The following GLRA3 variants were observed in gnomAD, a reference collection of about 807,000 sequenced individuals.
GLRA3 encodes the protein glycine receptor subunit alpha-3.
In GLRA3, 44 loss-of-function variants were observed where a neutral mutation model predicts 60.4. That is an observed-to-expected ratio of 0.73 (90% CI 0.57 to 0.94). GLRA3 has a LOEUF of 0.94. Among genes scored for constraint, GLRA3 ranks in the 40% least tolerant of loss-of-function variants. The pLI is 0.00. For synonymous variants in GLRA3, 223 were observed against 192.9 expected, an observed-to-expected ratio of 1.16 and a Z score of -1.29; for missense variants, 508 against 564.6, an observed-to-expected ratio of 0.90 and a Z score of 1.02.
chr4:174,716,308 C>G (rs144223743), intron 4 of GLRA3, among the ~76,000 whole-genome samples: 1 of 152,194 alleles, frequency 6.6e-6, no homozygotes, highest in Admixed American at 6.5e-5. Flanking sequence ...TGGCTTCACA[C>G]AAAGGATAAC....
In GLRA3 at chr4:174,698,682, A is replaced by G. The variant is rs1204370154; in HGVS notation, c.575-15743T>C. ...GAAAAAGTCTTTGTAATACTATAAA[A>G]TTAAAATTTTAACATGATTGGATAG... On this transcript the variant is annotated intron_variant, in intron 5 of 9. Transcript: ENST00000274093. Among the ~76,000 whole-genome samples, 3 of 152,234 alleles carry G rather than the reference A, an allele frequency of 2.0e-5. No individual in the cohort carries two copies. The East Asian group carries it at 5.8e-4, about 29-fold the overall frequency.
intron 8 of GLRA3, among the ~76,000 whole-genome samples, chr4:174,658,057 C>T (rs1252140703): frequency 1.3e-5 from 2 of 152,104 alleles, no homozygotes; most frequent in African/African-American, 4.8e-5. Flanking sequence ...TTAATCAATA[C>T]ATAAATTGCA....
intron 3 of GLRA3, among the ~76,000 whole-genome samples, chr4:174,758,949 A>G (rs1737835849): frequency 6.6e-6 from 1 of 152,126 alleles, no homozygotes; most frequent in East Asian, 1.9e-4. Flanking sequence ...AGAGCACTTA[A>G]TACCTATTTT....
At chr4:174,706,155 G>A (rs951785653) in intron 5 of GLRA3, among the ~76,000 whole-genome samples, 14 of 152,096 alleles carry the variant, frequency 9.2e-5, no homozygotes, top group South Asian at 2.1e-4. Context: ...GCGTGAACCC[G>A]GGAGGCAGAG....
chr4:174,811,075 T>C (rs2111369077), intron 1 of GLRA3, among the ~76,000 whole-genome samples: 1 of 151,790 alleles, frequency 6.6e-6, no homozygotes. Context: ...TTTATTCTAG[T>C]TGTGTTCATT....
intron 5 of GLRA3, among the ~76,000 whole-genome samples, chr4:174,691,626 G>A (rs1035936588): frequency 8.5e-5 from 13 of 152,206 alleles, no homozygotes; most frequent in East Asian, 3.9e-4. Context: ...GCTCGTAACC[G>A]CGAGTGATCC....
intron 1 of GLRA3, among the ~76,000 whole-genome samples, chr4:174,811,755 C>T (rs1421260443): frequency 4.6e-5 from 7 of 152,276 alleles, no homozygotes; most frequent in African/African-American, 7.2e-5. Flanking sequence ...TCCTCTAGAA[C>T]TCAGTTTGAT....
chr4:174,667,860 T>C (rs1414143152), intron 7 of GLRA3, among the ~76,000 whole-genome samples: 1 of 152,166 alleles, frequency 6.6e-6, no homozygotes, highest in African/African-American at 2.4e-5. Flanking sequence ...CTGAAGTCAT[T>C]TGACTTTGTG....
chr4:174,699,941 A>T (rs1735241145), intron 5 of GLRA3, among the ~76,000 whole-genome samples: 1 of 151,920 alleles, frequency 6.6e-6, no homozygotes, highest in South Asian at 2.1e-4. Flanking sequence ...AAATGATTCA[A>T]TTGTGTTGTA....
At chr4:174,722,571 T>A (rs1158034814) in intron 4 of GLRA3, 1 of 152,618 alleles carries the variant, frequency 6.6e-6, no homozygotes. Context: ...TTATCACTCA[T>A]CTGTTGCTGT....
At chr4:174,701,756 G>A (rs1311947090) in intron 5 of GLRA3, among the ~76,000 whole-genome samples, 1 of 152,174 alleles carries the variant, frequency 6.6e-6, no homozygotes, top group Non-Finnish European at 1.5e-5. Context: ...TGACTCTGAG[G>A]GGTTTAAGAC....
intron 2 of GLRA3, among the ~76,000 whole-genome samples, chr4:174,783,283 T>G (rs538466427): frequency 7.0e-6 from 1 of 142,978 alleles, no homozygotes; most frequent in South Asian, 2.1e-4. Flanking sequence ...AAGCTGAAAC[T>G]GGAACCCTTC....
chr4:174,675,274 T>A lies in GLRA3; in HGVS notation c.927+1804A>T, dbSNP rs192968397. Among the ~76,000 whole-genome samples the A allele has an allele frequency of 2.2e-4, 34 of 152,316 alleles. No individual in the cohort carries two copies. In the East Asian group the frequency reaches 6.2e-3, roughly 28 times the overall value. ...GTAAGTTCTTGTGGAAATTAAAGCC[T>A]TTTAAAAATGTCTCCTATTTCTTGA... is the stretch of plus-strand genomic sequence containing the variant. On this transcript the variant is annotated intron_variant, in intron 7 of 9. Coordinates refer to ENST00000274093, the MANE Select transcript of GLRA3 (RefSeq NM_006529.4).
intron 5 of GLRA3, among the ~76,000 whole-genome samples, chr4:174,690,428 C>A (rs1734750621): frequency 6.6e-6 from 1 of 152,162 alleles, no homozygotes; most frequent in African/African-American, 2.4e-5. Flanking sequence ...AGTCCAAAAT[C>A]AGACCTATGT....
intron 1 of GLRA3, among the ~76,000 whole-genome samples, chr4:174,801,803 T>G (rs2111343351): frequency 6.6e-6 from 1 of 152,210 alleles, no homozygotes; most frequent in East Asian, 1.9e-4. Flanking sequence ...TTAAGTATTC[T>G]CTCTGATTTT....
chr4:174,728,626 C>T lies in GLRA3; in HGVS notation c.340G>A (p.Asp114Asn), dbSNP rs765612723. Residue 114 changes from aspartate (D) to asparagine (N), a missense_variant, in exon 4 of 10, where the codon GAC becomes AAC. Asp to Asn is a conservative substitution (Grantham distance 23). Around this residue, in one of 3 missense-constraint regions of GLRA3, gnomAD observed 329 missense variants for 349.3 expected, o/e 0.94. Transcript: ENST00000274093. Reference sequence around the variant, plus strand: ...ATGGAGGGGTCGAGGTCTAAAGAGTCGTCAGGATATTCACTGTACGCGAGG... The same window carrying T: ...ATGGAGGGGTCGAGGTCTAAAGAGTTGTCAGGATATTCACTGTACGCGAGG... Reference protein sequence around the residue: ...PRLAYSEYPDDSLDLDPSMLD... With the variant: ...PRLAYSEYPDNSLDLDPSMLD... 2 of 1,612,312 alleles carry T rather than the reference C, an allele frequency of 1.2e-6. No homozygotes were observed. The highest frequency in any genetic ancestry group is 2.2e-5 in the South Asian group (2 of 91,030).
chr4:174,755,832 T>C (rs1737670921), intron 3 of GLRA3, among the ~76,000 whole-genome samples: 2 of 152,016 alleles, frequency 1.3e-5, no homozygotes, highest in African/African-American at 4.8e-5. Context: ...TAAACATTAA[T>C]TATAAATTCA....
At chr4:174,761,662 T>C (rs530555433) in intron 3 of GLRA3, among the ~76,000 whole-genome samples, 8 of 152,222 alleles carry the variant, frequency 5.3e-5, no homozygotes, top group Non-Finnish European at 1.0e-4. Flanking sequence ...CATCTGTTTT[T>C]TGAAGATAGA....
intron 3 of GLRA3, among the ~76,000 whole-genome samples, chr4:174,730,348 T>C (rs1564939): frequency 0.19 from 29,269 of 152,114 alleles, 2,941 homozygotes; most frequent in East Asian, 0.32. Context: ...GAATCAGTGA[T>C]TGACCAAATC....
Sources: gnomAD v4.1 joint callset for allele counts (sites outside exome capture counted in the v4.1 genomes callset) on GRCh38, gnomAD v4.1.1 for gene constraint, gnomAD v4.1.1 regional missense constraint, MANE v1.5 for transcripts, NCBI Gene and HGNC (gene_info 2026-07-23, HGNC 2026-07-21) for gene names.